Variants in LIMCH1 observed in about 807,000 individuals in gnomAD.
LIMCH1 encodes LIM and calponin homology domains-containing protein 1.
LIMCH1 carries 113 observed loss-of-function variants against 176.5 expected under a neutral mutation model. The observed-to-expected ratio is 0.64, with a 90% CI of 0.55 to 0.75. LIMCH1 has a LOEUF of 0.75. Among genes scored for constraint, LIMCH1 ranks in the 30% least tolerant of loss-of-function variants. LIMCH1 has a pLI of 0.00. For synonymous variants in LIMCH1, 619 were observed against 645.9 expected, an observed-to-expected ratio of 0.96 and a Z score of 0.63; for missense variants, 1,674 against 1,814.9, an observed-to-expected ratio of 0.92 and a Z score of 1.41.
At chr4:41,380,030 G>A (rs962463887) in intron 1 of LIMCH1, among the ~76,000 whole-genome samples, 8 of 151,912 alleles carry the variant, frequency 5.3e-5, no homozygotes, top group African/African-American at 1.9e-4. Context: ...ACTCCCTGAC[G>A]TTAACCTCAG....
At chr4:41,408,518 G>A (rs2154122126) in intron 1 of LIMCH1, among the ~76,000 whole-genome samples, 1 of 152,272 alleles carries the variant, frequency 6.6e-6, no homozygotes, top group African/African-American at 2.4e-5. Context: ...CACAGTTGGA[G>A]CCTCTCTGCA....
upstream of LIMCH1, among the ~76,000 whole-genome samples, chr4:41,533,638 G>T (rs2077565783): frequency 1.3e-5 from 2 of 152,180 alleles, no homozygotes; most frequent in African/African-American, 4.8e-5. Flanking sequence ...CCTTTTAGGA[G>T]ACTACTTTCT....
At position 41,662,662 on chromosome 4, in the gene LIMCH1, C is replaced by T. The variant is rs571035338; in HGVS notation, c.3128-159C>T. 5 of 719,006 alleles carry T rather than the reference C, an allele frequency of 7.0e-6. No individual in the cohort carries two copies. In the East Asian group the frequency reaches 8.2e-5, roughly 12 times the overall value. 44.5% of individuals were successfully genotyped at this position (719,006 alleles called of 1,614,324 possible). ...GAAAGAGCTTTGGGAATTCCAGCATCTTAGGCTCTTTTATATCTCTGAGCA... is the reference window on the plus strand; with the variant it reads ...GAAAGAGCTTTGGGAATTCCAGCATTTTAGGCTCTTTTATATCTCTGAGCA... On this transcript the variant is annotated intron_variant, in intron 19 of 31. Coordinates refer to ENST00000503057, the MANE Select transcript of LIMCH1 (RefSeq NM_001330672.2).
chr4:41,627,048 G>GTGTA, intron 8 of LIMCH1, 38 bp downstream of exon 8: 1 of 1,501,706 alleles, frequency 6.7e-7, no homozygotes, highest in Non-Finnish European at 8.9e-7. Flanking sequence ...GTGTGTGTGT[G>GTGTA]TGTGTCTATG....
intron 1 of LIMCH1, among the ~76,000 whole-genome samples, chr4:41,371,576 C>T (rs575845543): frequency 9.9e-5 from 15 of 152,268 alleles, no homozygotes; most frequent in East Asian, 3.9e-4. Context: ...TGCCTCCCTG[C>T]CAGGCACCGT....
At chr4:41,613,407 C>T (rs2091700045) in intron 4 of LIMCH1, 59 bp from the exon 5 acceptor site, 1 of 1,463,336 alleles carries the variant, frequency 6.8e-7, no homozygotes, top group African/African-American at 1.4e-5. Flanking sequence ...GGAGACCCAT[C>T]TTCCTGATAG....
intron 1 of LIMCH1, among the ~76,000 whole-genome samples, chr4:41,451,426 C>G (rs772986816): frequency 6.6e-6 from 1 of 151,944 alleles, no homozygotes. Context: ...GTGCCCGGCC[C>G]GAAAGGGTAA....
chr4:41,393,278 T>C (rs1346629370), intron 1 of LIMCH1, among the ~76,000 whole-genome samples: 1 of 152,194 alleles, frequency 6.6e-6, no homozygotes, highest in East Asian at 1.9e-4. Context: ...TGGGAGGAAG[T>C]GGCCAGGAGG....
chr4:41,505,216 A>G (rs2073991748), intron 2 of LIMCH1, among the ~76,000 whole-genome samples: 1 of 152,198 alleles, frequency 6.6e-6, no homozygotes, highest in Non-Finnish European at 1.5e-5. Context: ...AGCACTCAGC[A>G]TAGCATCTGG....
At chr4:41,575,440 A>T (rs2084300394) in intron 1 of LIMCH1, among the ~76,000 whole-genome samples, 1 of 152,054 alleles carries the variant, frequency 6.6e-6, no homozygotes, top group Non-Finnish European at 1.5e-5. Flanking sequence ...ATTCTTTTGG[A>T]AATAATTTTC....
intron 1 of LIMCH1, among the ~76,000 whole-genome samples, chr4:41,449,836 GA>G (rs2063671399): frequency 6.6e-6 from 1 of 152,216 alleles, no homozygotes; most frequent in Non-Finnish European, 1.5e-5. Flanking sequence ...CTGGAGGCTG[GA>G]AGTCCAAAAG....
At chr4:41,509,639 G>C (rs2074607923) in intron 2 of LIMCH1, among the ~76,000 whole-genome samples, 1 of 152,154 alleles carries the variant, frequency 6.6e-6, no homozygotes, top group African/African-American at 2.4e-5. Flanking sequence ...GCTGCTTTTT[G>C]TTTGAAGATT....
In LIMCH1 at chr4:41,493,930, T is replaced by C. The variant is rs541776399; in HGVS notation, c.97-606T>C. On this transcript the variant is annotated intron_variant, in intron 1 of 26. Coordinates refer to the LIMCH1 transcript ENST00000313860. ...ATCTTCCCATCTTGATGTTAGTCCC[T>C]TGAGATTAGACATCCATATCCTCTT... 1.1e-4 allele frequency among the ~76,000 whole-genome samples: 16 copies of C among 152,316 alleles called. No homozygotes were observed. The East Asian group carries it at 2.9e-3, about 28-fold the overall frequency.
At chr4:41,574,716 G>A (rs1357354466) in intron 1 of LIMCH1, among the ~76,000 whole-genome samples, 1 of 152,106 alleles carries the variant, frequency 6.6e-6, no homozygotes, top group Non-Finnish European at 1.5e-5. Flanking sequence ...TTCAAATGTG[G>A]CTCGAGTATT....
intron 16 of LIMCH1, 73 bp from the exon 17 acceptor site, chr4:41,646,412 C>T: frequency 6.5e-7 from 1 of 1,550,292 alleles, no homozygotes; most frequent in Non-Finnish European, 8.8e-7. Context: ...TCAGTGCTAC[C>T]TTCGTTTCTA....
At chr4:41,639,238 T>C (rs1394171031) in intron 14 of LIMCH1, among the ~76,000 whole-genome samples, 1 of 152,220 alleles carries the variant, frequency 6.6e-6, no homozygotes, top group Admixed American at 6.5e-5. Context: ...GTCGTTGTTC[T>C]TGTTATGGTC....
chr4:41,491,642 T>TTCC (rs2071033542), intron 1 of LIMCH1, among the ~76,000 whole-genome samples: 1 of 111,416 alleles, frequency 9.0e-6, no homozygotes, highest in African/African-American at 3.6e-5. Flanking sequence ...TGCTCCTCAC[T>TTCC]TCCCAGACGG....
chr4:41,646,212 GGCTGGA>G lies in LIMCH1; in HGVS notation c.2345_2350del (p.Ala782_Gly783del), dbSNP rs2094048368. The G allele has an allele frequency of 4.3e-6, 7 of 1,613,956 alleles. No homozygotes were observed. The highest frequency in any genetic ancestry group is 1.7e-5 in the Admixed American group (1 of 59,990). On this transcript the variant is annotated inframe_deletion, in exon 16 of 32. Transcript: ENST00000503057. ...AAAGGAAAAAAATGGAGAAGTTACT[GGCTGGA>G]GAAGATGGGACAAGTGAACGAAGGA...
At chr4:41,658,647 A>T (rs908936545) in intron 18 of LIMCH1, among the ~76,000 whole-genome samples, 3 of 152,288 alleles carry the variant, frequency 2.0e-5, no homozygotes, top group African/African-American at 7.2e-5. Flanking sequence ...CTAAATCAGG[A>T]TCTGTCTTAT....
Sources: allele counts gnomAD v4.1 joint callset (sites outside exome capture counted in the v4.1 genomes callset), GRCh38; gene constraint gnomAD v4.1.1; transcripts MANE v1.5; gene names NCBI Gene and HGNC (gene_info 2026-07-23, HGNC 2026-07-21).